The following TNRC18 variants were observed in gnomAD, a reference collection of about 807,000 sequenced individuals.
TNRC18 encodes trinucleotide repeat containing 18, also known as trinucleotide repeat-containing gene 18 protein.
A neutral mutation model predicts 226.7 loss-of-function variants in TNRC18; 69 were observed. The ratio of observed to expected loss-of-function variants is 0.30; its 90% CI spans 0.25 to 0.37. The LOEUF (loss-of-function observed/expected upper bound fraction) is 0.37, where lower values mean the gene tolerates loss of function less well. Among genes scored for constraint, TNRC18 ranks in the 10% least tolerant of loss-of-function variants. The pLI is 1.00. For synonymous variants in TNRC18, 2,449 were observed against 1,927.6 expected, an observed-to-expected ratio of 1.27 and a Z score of -7.09; for missense variants, 4,754 against 4,256.6, an observed-to-expected ratio of 1.12 and a Z score of -3.25.
At chr7:5,368,420 T>C (rs1793826272) in intron 11 of TNRC18, among the ~76,000 whole-genome samples, 1 of 152,028 alleles carries the variant, frequency 6.6e-6, no homozygotes, top group African/African-American at 2.4e-5. Flanking sequence ...CCCAGCACTT[T>C]GGGTGGCCAA....
chr7:5,315,273 CGG>C, intron 25 of TNRC18, 125 bp from the exon 26 acceptor site: 2 of 1,027,300 alleles, frequency 1.9e-6, no homozygotes, highest in Middle Eastern at 3.3e-4. Context: ...TGGCTGACCC[CGG>C]ATGGGCTCCC....
In TNRC18 at chr7:5,377,005, A is replaced by G; in HGVS notation, c.2462-12T>C. 3 of 1,569,114 alleles carry G rather than the reference A, an allele frequency of 1.9e-6. No individual in the cohort carries two copies. The highest frequency in any genetic ancestry group is 2.6e-6 in the Non-Finnish European group (3 of 1,157,846). ...TGGGGGACCCAAGCCTAGGAGGAGA[A>G]GCCCAGGCCTGAGTCAGTGCTGGGA... On this transcript the variant is annotated splice_polypyrimidine_tract_variant and intron_variant, in intron 7 of 29. Transcript: ENST00000430969. The surrounding 1 kb of genome is among the most constrained non-coding windows in gnomAD (Gnocchi z 5.8).
chr7:5,320,141 T>C (rs1788200087), intron 24 of TNRC18, 177 bp downstream of exon 24: 1 of 599,728 alleles, frequency 1.7e-6, no homozygotes, highest in South Asian at 1.9e-5. Flanking sequence ...GCTGGAGTCC[T>C]GATGACATCG....
In TNRC18 at chr7:5,387,758, G is replaced by C. The variant is rs746085177; in HGVS notation, c.2066C>G (p.Ala689Gly). Residue 689 changes from alanine to glycine, a missense_variant, in exon 5 of 30, where the codon GCC becomes GGC. Transcript: ENST00000430969. ...HPPVGIAVAV[A>G]RQKDSGGSGR... ...ACTGCCGCCACTGTCCTTCTGCCGG[G>C]CCACAGCCACTGCAATGCCCACAGG... 6.2e-7 allele frequency: 1 copy of C among 1,607,436 alleles called. No homozygotes were observed.
intron 10 of TNRC18, among the ~76,000 whole-genome samples, chr7:5,372,974 C>T (rs1331507641): frequency 6.6e-6 from 1 of 152,110 alleles, no homozygotes; most frequent in East Asian, 1.9e-4. Context: ...GCCTGACCAA[C>T]ATGGAGAAAC....
intron 17 of TNRC18, among the ~76,000 whole-genome samples, chr7:5,351,187 T>TGGGGAGGAGGGA (rs1184393813): frequency 1.3e-5 from 2 of 150,196 alleles, no homozygotes; most frequent in Non-Finnish European, 1.5e-5. Flanking sequence ...TCCTTCTGGG[T>TGGGGAGGAGGGA]GGGGAGGAGG....
chr7:5,395,533 G>T (rs1420936212), intron 2 of TNRC18, among the ~76,000 whole-genome samples: 1 of 152,220 alleles, frequency 6.6e-6, no homozygotes, highest in African/African-American at 2.4e-5. Flanking sequence ...TCCCCTCTAA[G>T]GGAAGACCCT....
At chr7:5,358,117 A>G (rs1177372044) in intron 15 of TNRC18, among the ~76,000 whole-genome samples, 3 of 152,190 alleles carry the variant, frequency 2.0e-5, no homozygotes, top group Non-Finnish European at 2.9e-5. Context: ...GCAGCTGACA[A>G]AGTACTAGTG....
At chr7:5,323,951 A>G (rs981631302) in intron 21 of TNRC18, among the ~76,000 whole-genome samples, 6 of 152,140 alleles carry the variant, frequency 3.9e-5, no homozygotes, top group Admixed American at 3.3e-4. Flanking sequence ...CTTAGGGCCA[A>G]CACGGAACTC....
At chr7:5,356,815 A>C in intron 16 of TNRC18, 101 bp downstream of exon 16, 2 of 1,363,560 alleles carry the variant, frequency 1.5e-6, no homozygotes, top group Non-Finnish European at 1.9e-6. Flanking sequence ...CGAGAGCGAG[A>C]GAGAGAGTGA....
intron 18 of TNRC18, among the ~76,000 whole-genome samples, chr7:5,335,702 C>G (rs1388973788): frequency 2.6e-5 from 4 of 151,648 alleles, no homozygotes; most frequent in African/African-American, 7.3e-5. Flanking sequence ...TACCTATACA[C>G]AGAATAGACT....
Position 5,390,458 on chromosome 7 carries a change from A to C in TNRC18, c.487+27T>G, listed in dbSNP as rs1157687706. 1.9e-6 allele frequency: 3 copies of C among 1,609,548 alleles called. No homozygotes were observed. The African/African-American group carries it at 4.1e-5, about 22-fold the overall frequency. On this transcript the variant is annotated intron_variant, in intron 4 of 29. Transcript: ENST00000430969. Reference sequence around the variant, plus strand: ...AAGCCTCTCAGAAGGCCCCTGTGCCACCCCCAACCCCGGACTCCAGTCTTA... The same window carrying C: ...AAGCCTCTCAGAAGGCCCCTGTGCCCCCCCCAACCCCGGACTCCAGTCTTA...
At position 5,413,958 on chromosome 7, in the gene TNRC18, A is replaced by G. The variant is rs113144392; in HGVS notation, c.187+7102T>C. 2.0e-5 allele frequency among the ~76,000 whole-genome samples: 3 copies of G among 150,046 alleles called. No individual in the cohort carries two copies. The South Asian group carries it at 6.2e-4, about 31-fold the overall frequency. ...AACTGTGAACTGCTCTCACTGTCTT[A>G]TTTGTTTTTTTTGAGATGGAGTCTC... On this transcript the variant is annotated intron_variant, in intron 2 of 29. Transcript: ENST00000430969.
intron 1 of TNRC18, among the ~76,000 whole-genome samples, chr7:5,421,750 G>GA (rs979886933): frequency 6.6e-6 from 1 of 152,212 alleles, no homozygotes; most frequent in Non-Finnish European, 1.5e-5. Context: ...CCCCAGCCCG[G>GA]ACTCTGCCTC....
At chr7:5,363,601 C>CTCAATCAA (rs1293898121) in intron 11 of TNRC18, among the ~76,000 whole-genome samples, 1 of 152,034 alleles carries the variant, frequency 6.6e-6, no homozygotes, top group African/African-American at 2.4e-5. Context: ...GAGACTCCAT[C>CTCAATCAA]TCAATCAATC....
At chr7:5,359,327 G>C (rs986086975) in intron 15 of TNRC18, 71 bp downstream of exon 15, 3 of 1,531,986 alleles carry the variant, frequency 2.0e-6, no homozygotes, top group African/African-American at 1.4e-5. Flanking sequence ...CGAAGGGAGC[G>C]TGAACTCTTA....
intron 18 of TNRC18, among the ~76,000 whole-genome samples, chr7:5,333,529 T>A (rs560057273): frequency 1.5e-4 from 23 of 152,230 alleles, no homozygotes; most frequent in African/African-American, 5.5e-4. Context: ...CTGCCCTCTC[T>A]ACACGACATG....
At chr7:5,339,881 A>G (rs1221359910) in intron 18 of TNRC18, among the ~76,000 whole-genome samples, 2 of 151,208 alleles carry the variant, frequency 1.3e-5, no homozygotes, top group African/African-American at 4.9e-5. Flanking sequence ...TATGTTCTTT[A>G]TATAGCGAGG....
intron 2 of TNRC18, among the ~76,000 whole-genome samples, chr7:5,403,515 G>A (rs549844927): frequency 5.3e-5 from 8 of 152,232 alleles, no homozygotes; most frequent in East Asian, 1.9e-4. Context: ...CCCAGACTGC[G>A]GTGTGGTGGC....
Sources: gnomAD v4.1 joint callset for allele counts (sites outside exome capture counted in the v4.1 genomes callset) on GRCh38, gnomAD v4.1.1 for gene constraint, Gnocchi (gnomAD v3.1) non-coding constraint, MANE v1.5 for transcripts, NCBI Gene and HGNC (gene_info 2026-07-23, HGNC 2026-07-21) for gene names.